Variants in UNC5C observed in about 807,000 individuals in gnomAD.
UNC5C encodes unc-5 netrin receptor C, also known as netrin receptor UNC5C.
In UNC5C, 47 loss-of-function variants were observed where a neutral mutation model predicts 99.8. The observed-to-expected ratio is 0.47, with a 90% CI of 0.37 to 0.60. UNC5C has a LOEUF of 0.60. Among genes scored for constraint, UNC5C ranks in the 20% least tolerant of loss-of-function variants. The pLI is 0.00. For synonymous variants in UNC5C, 487 were observed against 452.2 expected (o/e 1.08, Z -0.98); for missense variants, 1,062 against 1,165.9 (o/e 0.91, Z 1.30).
chr4:95,243,834 GAC>G (rs779538768), intron 6 of UNC5C, among the ~76,000 whole-genome samples: 2 of 151,518 alleles, frequency 1.3e-5, no homozygotes, highest in African/African-American at 2.4e-5. Context: ...CCAAAACACT[GAC>G]ACACACACAC....
chr4:95,241,266 G>A (rs1162390183), intron 7 of UNC5C, among the ~76,000 whole-genome samples: 1 of 152,182 alleles, frequency 6.6e-6, no homozygotes, highest in Non-Finnish European at 1.5e-5. Flanking sequence ...ATTACCAGAA[G>A]CTGTGCTTTA....
chr4:95,520,405 C>A (rs11934067), intron 1 of UNC5C, among the ~76,000 whole-genome samples: 9,499 of 152,068 alleles, frequency 0.062, 735 homozygotes, highest in African/African-American at 0.18. Flanking sequence ...GTTGGTGTGA[C>A]AAGCTCCAAA....
At chr4:95,202,581 C>T (rs1019385495) in intron 12 of UNC5C, 150 bp downstream of exon 12, 5 of 716,260 alleles carry the variant, frequency 7.0e-6, no homozygotes, top group Non-Finnish European at 9.2e-6. Context: ...AGAGAAATGT[C>T]TATCTTTTTT....
chr4:95,198,330 C>A (rs1366975702), intron 12 of UNC5C, among the ~76,000 whole-genome samples: 2 of 152,056 alleles, frequency 1.3e-5, no homozygotes, highest in Non-Finnish European at 2.9e-5. Context: ...TTCCACGCAT[C>A]TTGTGGGAGA....
chr4:95,260,299 G>A (rs1409122180), intron 4 of UNC5C, among the ~76,000 whole-genome samples: 1 of 152,144 alleles, frequency 6.6e-6, no homozygotes, highest in African/African-American at 2.4e-5. Context: ...GTTTTACGAT[G>A]CATTGTTATC....
intron 1 of UNC5C, among the ~76,000 whole-genome samples, chr4:95,448,227 T>TA (rs1747170884): frequency 1.0e-5 from 1 of 100,086 alleles, no homozygotes. Context: ...TGTGTGTGTG[T>TA]GAGAGAGAGA....
At chr4:95,493,700 A>G (rs1721562909) in intron 1 of UNC5C, among the ~76,000 whole-genome samples, 1 of 151,428 alleles carries the variant, frequency 6.6e-6, no homozygotes, top group African/African-American at 2.4e-5. Context: ...TAGGTTTTTA[A>G]TGGCATCCAG....
At chr4:95,498,047 T>G (rs1028424001) in intron 1 of UNC5C, among the ~76,000 whole-genome samples, 5 of 151,950 alleles carry the variant, frequency 3.3e-5, no homozygotes, top group Non-Finnish European at 5.9e-5. Flanking sequence ...CCACTTCACA[T>G]TCTGTTTTCT....
chr4:95,520,738 ACAGGTGCCGGC>A (rs1419328647), intron 1 of UNC5C, among the ~76,000 whole-genome samples: 20 of 151,746 alleles, frequency 1.3e-4, no homozygotes, highest in Middle Eastern at 6.8e-3. Flanking sequence ...AGCTGGAACT[ACAGGTGCCGGC>A]CACCACGCCC....
intron 1 of UNC5C, among the ~76,000 whole-genome samples, chr4:95,366,754 T>A (rs1170967413): frequency 6.6e-6 from 1 of 152,222 alleles, no homozygotes; most frequent in African/African-American, 2.4e-5. Context: ...TTGTTTCTTT[T>A]TTAATTGTTA....
chr4:95,179,641 G>C (rs1736523450), intron 14 of UNC5C, among the ~76,000 whole-genome samples: 1 of 151,714 alleles, frequency 6.6e-6, no homozygotes, highest in South Asian at 2.1e-4. Context: ...CAGCTACTCA[G>C]GAGGCTGAGG....
At chr4:95,533,475 AT>A (rs1228712607) in intron 1 of UNC5C, among the ~76,000 whole-genome samples, 1 of 151,986 alleles carries the variant, frequency 6.6e-6, no homozygotes, top group Non-Finnish European at 1.5e-5. Flanking sequence ...AATTTTTATC[AT>A]TTAATGTGAT....
intron 1 of UNC5C, among the ~76,000 whole-genome samples, chr4:95,386,659 G>C (rs1745219095): frequency 2.0e-5 from 3 of 152,042 alleles, no homozygotes; most frequent in Admixed American, 2.0e-4. Context: ...CTCTCTGATG[G>C]TCTCTAACCA....
rs141672259 is a variant in UNC5C, at chr4:95,170,112, A to C, written c.2630+42T>G. ...CTAATAGTTATCGGTCCTGGAGGGCACTAACAGAAAGAAGCTAGTCTTGGG... is the reference window on the plus strand; with the variant it reads ...CTAATAGTTATCGGTCCTGGAGGGCCCTAACAGAAAGAAGCTAGTCTTGGG... On this transcript the variant is annotated intron_variant, in intron 15 of 15. Coordinates refer to ENST00000453304, the MANE Select transcript of UNC5C (RefSeq NM_003728.4). 519 of 1,599,448 alleles carry C rather than the reference A, an allele frequency of 3.2e-4. 5 individuals carry two copies. The East Asian group carries it at 0.01, about 31-fold the overall frequency.
At chr4:95,357,923 A>C (rs1013448259) in intron 1 of UNC5C, among the ~76,000 whole-genome samples, 2 of 152,144 alleles carry the variant, frequency 1.3e-5, no homozygotes, top group African/African-American at 4.8e-5. Context: ...AAAACAGATA[A>C]ATGGGATAAT....
At chr4:95,246,096 A>G (rs542130124) in intron 5 of UNC5C, among the ~76,000 whole-genome samples, 1 of 152,336 alleles carries the variant, frequency 6.6e-6, no homozygotes, top group South Asian at 2.1e-4. Flanking sequence ...CATGAATGTT[A>G]TATTTACAGA....
At chr4:95,231,541 A>C (rs1053519223) in intron 7 of UNC5C, among the ~76,000 whole-genome samples, 2 of 152,170 alleles carry the variant, frequency 1.3e-5, no homozygotes, top group African/African-American at 4.8e-5. Flanking sequence ...CCTTAGAAGA[A>C]TCCCCTCTCC....
At chr4:95,531,738 C>T (rs972423349) in intron 1 of UNC5C, among the ~76,000 whole-genome samples, 3 of 152,216 alleles carry the variant, frequency 2.0e-5, no homozygotes, top group African/African-American at 4.8e-5. Context: ...CTTTATTTTA[C>T]TACTCTACCC....
At chr4:95,226,004 T>C (rs1042067177) in intron 7 of UNC5C, among the ~76,000 whole-genome samples, 2 of 152,222 alleles carry the variant, frequency 1.3e-5, no homozygotes, top group African/African-American at 4.8e-5. Context: ...CTCCATCTGA[T>C]CCGTCTCTCA....
Sources: gnomAD v4.1 joint callset for allele counts (sites outside exome capture counted in the v4.1 genomes callset) on GRCh38, gnomAD v4.1.1 for gene constraint, MANE v1.5 for transcripts, NCBI Gene and HGNC (gene_info 2026-07-23, HGNC 2026-07-21) for gene names.